The following ZNF385D variants were observed in gnomAD, a reference collection of about 807,000 sequenced individuals.
ZNF385D encodes zinc finger protein 385D.
A neutral mutation model predicts 35.8 loss-of-function variants in ZNF385D; 15 were observed. The observed-to-expected ratio is 0.42, with a 90% CI of 0.28 to 0.64. The LOEUF (loss-of-function observed/expected upper bound fraction) is 0.64, where lower values mean the gene tolerates loss of function less well. Among genes scored for constraint, ZNF385D ranks in the 30% least tolerant of loss-of-function variants. The probability of loss-of-function intolerance (pLI) is 0.23; values close to 1 mark genes in which losing one functional copy is unlikely to be tolerated. For missense variants in ZNF385D, 474 were observed against 494.6 expected (o/e 0.96, Z 0.39); for synonymous variants, 212 against 186.8 (o/e 1.13, Z -1.10).
intron 3 of ZNF385D, among the ~76,000 whole-genome samples, chr3:21,998,580 T>C (rs1695633058): frequency 6.6e-6 from 1 of 152,202 alleles, no homozygotes. Flanking sequence ...TTGTTTATAC[T>C]TATCAGCACC....
At chr3:21,852,415 G>GT (rs1220967027) in intron 3 of ZNF385D, among the ~76,000 whole-genome samples, 1 of 151,862 alleles carries the variant, frequency 6.6e-6, no homozygotes, top group Admixed American at 6.6e-5. Flanking sequence ...CCAAGTGACT[G>GT]TAATAGACAG....
At chr3:21,452,127 C>T (rs3911495) in intron 4 of ZNF385D, among the ~76,000 whole-genome samples, 50,886 of 151,516 alleles carry the variant, frequency 0.34, 8,988 homozygotes, top group Middle Eastern at 0.5. Flanking sequence ...TATCATTAGG[C>T]AATTTAAATT....
intron 2 of ZNF385D, among the ~76,000 whole-genome samples, chr3:22,283,424 G>A (rs190623177): frequency 6.6e-6 from 1 of 152,162 alleles, no homozygotes; most frequent in African/African-American, 2.4e-5. Flanking sequence ...TTCTTAAATA[G>A]GAGCACAGCA....
chr3:21,483,439 A>G (rs1013879893), intron 4 of ZNF385D, among the ~76,000 whole-genome samples: 4 of 152,188 alleles, frequency 2.6e-5, no homozygotes, highest in Admixed American at 6.5e-5. Flanking sequence ...ACTGTTATAA[A>G]TGTCTGGAGT....
chr3:22,253,360 A>T (rs2125332023), intron 2 of ZNF385D, among the ~76,000 whole-genome samples: 1 of 152,162 alleles, frequency 6.6e-6, no homozygotes, highest in South Asian at 2.1e-4. Flanking sequence ...ATTAGAAAAA[A>T]AATAGGAACA....
chr3:21,929,519 G>T (rs902543486), intron 3 of ZNF385D, among the ~76,000 whole-genome samples: 6 of 151,974 alleles, frequency 3.9e-5, no homozygotes, highest in African/African-American at 1.4e-4. Flanking sequence ...AAAATTGTTT[G>T]TATTTGTTGA....
At chr3:21,644,581 C>T (rs1243389149) in intron 2 of ZNF385D, among the ~76,000 whole-genome samples, 1 of 152,174 alleles carries the variant, frequency 6.6e-6, no homozygotes, top group African/African-American at 2.4e-5. Context: ...GACATTTTTT[C>T]TCTTCAATTT....
chr3:21,810,942 T>C (rs1452509331), intron 3 of ZNF385D, among the ~76,000 whole-genome samples: 2 of 146,834 alleles, frequency 1.4e-5, no homozygotes, highest in Non-Finnish European at 3.0e-5. Context: ...ACACAGCACA[T>C]CACACACACA....
rs533428645 is a variant in ZNF385D at position 22,067,485 on chromosome 3, A to C, written c.325+101332T>G. Reference sequence around the variant, plus strand: ...ATAATATAGTTTCTGAGTTGGCAACAGCTTCAGAAAAGGCTTAGAAATCAT... The same window carrying C: ...ATAATATAGTTTCTGAGTTGGCAACCGCTTCAGAAAAGGCTTAGAAATCAT... On this transcript the variant is annotated intron_variant, in intron 3 of 5. Coordinates refer to the ZNF385D transcript ENST00000494108. Among the ~76,000 whole-genome samples the C allele has an allele frequency of 2.0e-5, 3 of 152,362 alleles. No individual in the cohort carries two copies. The South Asian group carries it at 6.2e-4, about 32-fold the overall frequency.
intron 4 of ZNF385D, among the ~76,000 whole-genome samples, chr3:21,488,444 C>T (rs1437801320): frequency 1.3e-5 from 2 of 151,924 alleles, no homozygotes; most frequent in South Asian, 2.1e-4. Context: ...TTTCATAATG[C>T]TAATGTTGAA....
At chr3:21,892,042 A>C (rs1698894807) in intron 3 of ZNF385D, among the ~76,000 whole-genome samples, 1 of 152,224 alleles carries the variant, frequency 6.6e-6, no homozygotes, top group African/African-American at 2.4e-5. Context: ...ACTGTAGTTT[A>C]TATGATATTG....
intron 3 of ZNF385D, among the ~76,000 whole-genome samples, chr3:21,907,136 GC>G (rs1301831399): frequency 2.0e-5 from 3 of 152,064 alleles, no homozygotes; most frequent in Non-Finnish European, 4.4e-5. Context: ...TCTTCAATAG[GC>G]AGTCGGGCAA....
At chr3:22,344,405 G>T (rs554915829) in intron 2 of ZNF385D, among the ~76,000 whole-genome samples, 1 of 151,624 alleles carries the variant, frequency 6.6e-6, no homozygotes, top group South Asian at 2.1e-4. Context: ...TTTTAGTTTT[G>T]AGACAGGGTC....
intron 2 of ZNF385D, among the ~76,000 whole-genome samples, chr3:22,282,887 A>C (rs1004645359): frequency 2.0e-5 from 3 of 152,134 alleles, no homozygotes; most frequent in Admixed American, 1.3e-4. Flanking sequence ...TAAAAGACAC[A>C]GAATGGCAGA....
Position 22,190,900 on chromosome 3 carries a change from C to T in ZNF385D, c.107-21865G>A, listed in dbSNP as rs886098296. On this transcript the variant is annotated intron_variant, in intron 2 of 5. Coordinates refer to the ZNF385D transcript ENST00000494108. ...CACTTTACAGTAACTATAAAGGATACTCTGTGAATTTCTAAAATGTAAAAT... is the reference window on the plus strand; with the variant it reads ...CACTTTACAGTAACTATAAAGGATATTCTGTGAATTTCTAAAATGTAAAAT... Among the ~76,000 whole-genome samples, 11 of 151,842 alleles carry T rather than the reference C, an allele frequency of 7.2e-5. 1 individual carries two copies. Among genetic ancestry groups the T allele is most frequent in the Admixed American group, 2.0e-4 (3 of 15,216 alleles).
At chr3:22,340,215 C>G (rs1263159288) in intron 2 of ZNF385D, among the ~76,000 whole-genome samples, 1 of 152,080 alleles carries the variant, frequency 6.6e-6, no homozygotes, top group African/African-American at 2.4e-5. Context: ...ATAACCATGC[C>G]TGTTAAATTG....
Position 21,932,653 on chromosome 3 carries a change from T to TA in ZNF385D, c.325+236163dup, listed in dbSNP as rs566213876. 2.2e-3 allele frequency among the ~76,000 whole-genome samples: 339 copies of TA among 151,906 alleles called. 2 individuals carry two copies. Among genetic ancestry groups the TA allele is most frequent in the African/African-American group, 7.7e-3 (319 of 41,428 alleles). On this transcript the variant is annotated intron_variant, in intron 3 of 5. Coordinates refer to the ZNF385D transcript ENST00000494108. ...TTCTTCTTAAGAAAGTTAAGGAGGT[T>TA]AAAAAAACCCCACATGCTGGAATAG...
At chr3:21,719,511 C>T (rs1382472409) in intron 1 of ZNF385D, among the ~76,000 whole-genome samples, 1 of 152,164 alleles carries the variant, frequency 6.6e-6, no homozygotes, top group Non-Finnish European at 1.5e-5. Context: ...TTTTACCGAT[C>T]CTCAAACTGA....
intron 3 of ZNF385D, among the ~76,000 whole-genome samples, chr3:21,774,466 G>C (rs1257139791): frequency 6.6e-6 from 1 of 151,766 alleles, no homozygotes; most frequent in Non-Finnish European, 1.5e-5. Context: ...CAAAACAGGA[G>C]TCAAATGAAG....
Sources: allele counts gnomAD v4.1 joint callset (sites outside exome capture counted in the v4.1 genomes callset), GRCh38; gene constraint gnomAD v4.1.1; transcripts MANE v1.5; gene names NCBI Gene and HGNC (gene_info 2026-07-23, HGNC 2026-07-21).